The following MICU1 variants were observed in gnomAD, a reference collection of about 807,000 sequenced individuals.
MICU1 encodes the protein calcium uptake protein 1, mitochondrial.
Under a neutral mutation model 56.8 loss-of-function variants are expected in MICU1, and 45 were observed. That is an observed-to-expected ratio of 0.79 (90% CI 0.62 to 1.02). MICU1 has a LOEUF of 1.02. MICU1 is among the 50% of genes least tolerant of loss of function. MICU1 has a pLI of 0.00. For synonymous variants in MICU1, 186 were observed against 195.1 expected (o/e 0.95, Z 0.39); for missense variants, 504 against 587.1 (o/e 0.86, Z 1.46).
Position 72,563,034 on chromosome 10 carries a change from T to C in MICU1, c.191A>G (p.Asp64Gly), listed in dbSNP as rs1426796562. 5.0e-6 allele frequency: 8 copies of C among 1,592,826 alleles called. No homozygotes were observed. The highest frequency in any genetic ancestry group is 6.8e-6 in the Non-Finnish European group (8 of 1,171,684). ...ATCACCGATGTCACTTTTTAGGTTG[T>C]CTACACATGGTGGAGATTCTGCATG... ...RAHAESPPCV[D>G]NLKSDIGDKG... Residue 64 changes from aspartate to glycine, a missense_variant, in exon 3 of 12, where the codon GAC (aspartate) becomes GGC (glycine). Transcript: ENST00000361114.
At chr10:72,531,935 C>T (rs551845314) in intron 5 of MICU1, among the ~76,000 whole-genome samples, 18 of 141,316 alleles carry the variant, frequency 1.3e-4, no homozygotes, top group Non-Finnish European at 2.3e-4. Flanking sequence ...GAGTCTCGCT[C>T]TGTTGCCCAG....
chr10:72,454,553 C>T lies in MICU1; in HGVS notation c.933+20547G>A, dbSNP rs374701951. On this transcript the variant is annotated intron_variant, in intron 8 of 11. Coordinates refer to ENST00000361114, the MANE Select transcript of MICU1 (RefSeq NM_001195518.2). ...ATCCCAGCACTTTGGGAGGCCAAGGCGGGTAGACCACCTGAGGTCAGGAGT... is the reference window on the plus strand; with the variant it reads ...ATCCCAGCACTTTGGGAGGCCAAGGTGGGTAGACCACCTGAGGTCAGGAGT... Among the ~76,000 whole-genome samples the T allele has an allele frequency of 5.3e-5, 8 of 150,660 alleles. No individual in the cohort carries two copies. The South Asian group carries it at 6.3e-4, about 12-fold the overall frequency.
chr10:72,399,168 T>C (rs1049969450), intron 10 of MICU1, among the ~76,000 whole-genome samples: 1 of 152,060 alleles, frequency 6.6e-6, no homozygotes, highest in Non-Finnish European at 1.5e-5. Context: ...TGCAGGGACA[T>C]GGATAAAGAT....
chr10:72,625,610 C>T (rs538955645), intron 1 of MICU1, among the ~76,000 whole-genome samples: 1 of 152,326 alleles, frequency 6.6e-6, no homozygotes, highest in South Asian at 2.1e-4. Context: ...TATTAGAAAT[C>T]CATCTGTGAA....
chr10:72,391,100 G>T (rs904238851), intron 10 of MICU1, among the ~76,000 whole-genome samples: 3 of 152,184 alleles, frequency 2.0e-5, no homozygotes, highest in Non-Finnish European at 4.4e-5. Context: ...CATATGTGTA[G>T]GTTCCACACC....
chr10:72,450,027 G>T (rs926307161), intron 8 of MICU1, among the ~76,000 whole-genome samples: 3 of 152,088 alleles, frequency 2.0e-5, no homozygotes, highest in Admixed American at 2.0e-4. Context: ...TGAAAATCTG[G>T]TTTGTGTTCT....
At chr10:72,579,637 G>A (rs942968142) in intron 1 of MICU1, among the ~76,000 whole-genome samples, 2 of 151,826 alleles carry the variant, frequency 1.3e-5, no homozygotes, top group Admixed American at 6.6e-5. Flanking sequence ...GTGTGAATAG[G>A]CATAAGATGA....
At chr10:72,376,679 G>C in intron 10 of MICU1, among the ~76,000 whole-genome samples, 1 of 152,116 alleles carries the variant, frequency 6.6e-6, no homozygotes, top group East Asian at 1.9e-4. Flanking sequence ...TTTATAGACA[G>C]AAAGTAGATT....
At chr10:72,466,592 T>G (rs1270053454) in intron 8 of MICU1, among the ~76,000 whole-genome samples, 4 of 152,220 alleles carry the variant, frequency 2.6e-5, no homozygotes, top group Non-Finnish European at 5.9e-5. Context: ...TTGGATTTAA[T>G]TAAATCAAGA....
intron 1 of MICU1, among the ~76,000 whole-genome samples, chr10:72,597,433 G>A (rs1383503959): frequency 6.6e-6 from 1 of 152,044 alleles, no homozygotes; most frequent in Non-Finnish European, 1.5e-5. Flanking sequence ...GACATTCTTG[G>A]GCTTATGCAT....
chr10:72,621,634 T>C (rs1842107758), intron 1 of MICU1, among the ~76,000 whole-genome samples: 1 of 152,204 alleles, frequency 6.6e-6, no homozygotes, highest in Non-Finnish European at 1.5e-5. Flanking sequence ...TTACTATTTA[T>C]TAACTGCAGT....
chr10:72,570,588 G>C (rs532908856), intron 1 of MICU1, among the ~76,000 whole-genome samples: 67 of 151,922 alleles, frequency 4.4e-4, no homozygotes, highest in African/African-American at 1.6e-3. Flanking sequence ...CTCTTCCCTG[G>C]GACCTATACC....
intron 6 of MICU1, among the ~76,000 whole-genome samples, chr10:72,500,395 G>C (rs1295842305): frequency 7.1e-6 from 1 of 141,088 alleles, no homozygotes; most frequent in Non-Finnish European, 1.5e-5. Context: ...CTCACTGCCG[G>C]ATCACTAACC....
Position 72,481,272 on chromosome 10 carries a change from T to C in MICU1, c.653-4016A>G, listed in dbSNP as rs117339428. On this transcript the variant is annotated intron_variant, in intron 6 of 11. Coordinates refer to ENST00000361114, the MANE Select transcript of MICU1 (RefSeq NM_001195518.2). ...AGCGATTCTCTTGTAAACTTATTTG[T>C]CTCCTCTCAAATGTAGCCTTCAGGG... 6.2e-3 allele frequency among the ~76,000 whole-genome samples: 937 copies of C among 152,332 alleles called. 15 individuals are homozygous for C. The highest frequency in any genetic ancestry group is 0.039 in the East Asian group (202 of 5,184).
chr10:72,581,762 T>C (rs1840905357), intron 1 of MICU1, among the ~76,000 whole-genome samples: 1 of 152,248 alleles, frequency 6.6e-6, no homozygotes, highest in Admixed American at 6.5e-5. Flanking sequence ...CCTTCTTCAC[T>C]GAGACTATAT....
intron 1 of MICU1, among the ~76,000 whole-genome samples, chr10:72,625,169 TA>T (rs548668448): frequency 1.4e-4 from 21 of 152,164 alleles, no homozygotes; most frequent in Non-Finnish European, 2.6e-4. Context: ...CATTTATTGA[TA>T]AATAGGAAGA....
At chr10:72,530,769 A>G (rs1483688855) in intron 5 of MICU1, among the ~76,000 whole-genome samples, 1 of 152,224 alleles carries the variant, frequency 6.6e-6, no homozygotes, top group Non-Finnish European at 1.5e-5. Context: ...GCTTAATTAA[A>G]TTCAGTTCTC....
chr10:72,410,141 G>T (rs1193270314), intron 9 of MICU1, among the ~76,000 whole-genome samples: 1 of 152,078 alleles, frequency 6.6e-6, no homozygotes, highest in East Asian at 1.9e-4. Context: ...GTTATATATG[G>T]CTTCTCTCTT....
intron 1 of MICU1, among the ~76,000 whole-genome samples, chr10:72,603,062 C>T (rs574406695): frequency 3.9e-5 from 6 of 152,136 alleles, no homozygotes; most frequent in African/African-American, 1.4e-4. Flanking sequence ...AAATGAGATC[C>T]TGTCTTGCAG....
Sources: allele counts gnomAD v4.1 joint callset (sites outside exome capture counted in the v4.1 genomes callset), GRCh38; gene constraint gnomAD v4.1.1; transcripts MANE v1.5; gene names NCBI Gene and HGNC (gene_info 2026-07-23, HGNC 2026-07-21).